Variants in PPM1B observed in about 807,000 individuals in gnomAD.
PPM1B encodes protein phosphatase, Mg2+/Mn2+ dependent 1B, also known as protein phosphatase 1B.
A neutral mutation model predicts 43.0 loss-of-function variants in PPM1B; 22 were observed. The observed-to-expected ratio is 0.51, with a 90% confidence interval of 0.37 to 0.73. PPM1B has a LOEUF of 0.73. PPM1B is among the 30% of genes least tolerant of loss of function. The probability of loss-of-function intolerance (pLI) is 0.00; values close to 1 mark genes in which losing one functional copy is unlikely to be tolerated. For synonymous variants in PPM1B, 217 were observed against 197.9 expected (o/e 1.10, Z -0.81); for missense variants, 632 against 584.2 (o/e 1.08, Z -0.84).
At chr2:44,232,459 G>C (rs993290346), downstream of PPM1B, 25 of 1,547,700 alleles carry the variant, frequency 1.6e-5, no homozygotes, top group Admixed American at 5.0e-4. Flanking sequence ...AACGTTTTGT[G>C]ATATGAGCAG....
chr2:44,246,725 C>T (rs1670858435), downstream of PPM1B, among the ~76,000 whole-genome samples: 1 of 152,202 alleles, frequency 6.6e-6, no homozygotes, highest in Non-Finnish European at 1.5e-5. Context: ...CCTCTAGGTC[C>T]TTGCAAATTT....
intron 1 of PPM1B, among the ~76,000 whole-genome samples, chr2:44,196,241 G>A (rs1209611011): frequency 2.0e-5 from 3 of 152,206 alleles, no homozygotes; most frequent in East Asian, 1.9e-4. Flanking sequence ...CCTGTTGGCT[G>A]TGGCAGTTTC....
chr2:44,230,632 A>C lies in PPM1B; in HGVS notation c.1354A>C (p.Ser452Arg), dbSNP rs752834382. 14 of 1,614,118 alleles carry C rather than the reference A, an allele frequency of 8.7e-6. No homozygotes were observed. In the South Asian group the frequency reaches 1.3e-4, roughly 15 times the overall value. The change falls in exon 6 of 6, where the codon AGC (serine) becomes CGC (arginine). Residue 452 changes from serine to arginine, a missense_variant. Transcript: ENST00000282412. Reference sequence around the variant, plus strand: ...TGGAAACCCAGTGACAATGCAGGAAAGCCATACTGAATCAGAAAGTGGTCT... The same window carrying C: ...TGGAAACCCAGTGACAATGCAGGAACGCCATACTGAATCAGAAAGTGGTCT... The part of the protein sequence containing the change: ...DAGNPVTMQE[S>R]HTESESGLAE...
chr2:44,233,301 A>G, downstream of PPM1B: 2 of 944,142 alleles, frequency 2.1e-6, no homozygotes, highest in Non-Finnish European at 1.3e-6. Context: ...GATCTAAGGA[A>G]ATACTACAGA....
intron 5 of PPM1B, among the ~76,000 whole-genome samples, chr2:44,243,057 C>G (rs913807597): frequency 6.6e-6 from 1 of 151,982 alleles, no homozygotes; most frequent in African/African-American, 2.4e-5. Context: ...ATAGGGATTT[C>G]CCCCCCAAAA....
intron 3 of PPM1B, among the ~76,000 whole-genome samples, chr2:44,210,669 G>A (rs1572728994): frequency 6.6e-6 from 1 of 151,806 alleles, no homozygotes. Context: ...CTCATTTTCT[G>A]TCTCCCTCCT....
At chr2:44,173,407 T>C (rs1667442488) in intron 1 of PPM1B, among the ~76,000 whole-genome samples, 1 of 152,238 alleles carries the variant, frequency 6.6e-6, no homozygotes, top group Non-Finnish European at 1.5e-5. Flanking sequence ...TAGTTTTCTT[T>C]TTTCATTTCT....
intron 1 of PPM1B, among the ~76,000 whole-genome samples, chr2:44,197,118 G>A (rs933314434): frequency 4.6e-5 from 7 of 151,960 alleles, no homozygotes; most frequent in African/African-American, 1.7e-4. Flanking sequence ...TTCCACTAAC[G>A]TTAACTTTTT....
chr2:44,213,013 CAAA>C (rs57091283), intron 3 of PPM1B, among the ~76,000 whole-genome samples: 4 of 65,326 alleles, frequency 6.1e-5, no homozygotes, highest in East Asian at 4.9e-4. Flanking sequence ...ACTCCGTTTC[CAAA>C]AAAAAAAAAA....
At position 44,230,754 on chromosome 2, in the gene PPM1B, G is replaced by T. The variant is rs185785286; in HGVS notation, c.*36G>T. The stretch of plus-strand genomic sequence containing the variant: ...TGGTAATATTTTTGTGATCTTTGAT[G>T]GTTTTTAACCTAGGAAGTGTAATGT... On this transcript the variant is annotated 3_prime_UTR_variant, in exon 6 of 6. Transcript: ENST00000282412. The T allele has an allele frequency of 6.3e-7, 1 of 1,587,886 alleles. No homozygotes were observed. Among genetic ancestry groups the T allele is most frequent in the East Asian group, 2.2e-5 (1 of 44,486 alleles).
Position 44,194,338 on chromosome 2 carries a change from G to A in PPM1B, c.-14-6848G>A, listed in dbSNP as rs569245639. Among the ~76,000 whole-genome samples the A allele has an allele frequency of 2.6e-5, 4 of 152,306 alleles. No homozygotes were observed. In the East Asian group the frequency reaches 7.7e-4, roughly 29 times the overall value. ...GAGTATTCCTGTGTGTAAGTAATCT[G>A]TGGGTACTTTCTCTGGGACTAGTGA... On this transcript the variant is annotated intron_variant, in intron 1 of 5. Coordinates refer to ENST00000282412, the MANE Select transcript of PPM1B (RefSeq NM_002706.6).
chr2:44,200,202 G>A (rs1385700720), intron 1 of PPM1B, among the ~76,000 whole-genome samples: 1 of 152,146 alleles, frequency 6.6e-6, no homozygotes, highest in African/African-American at 2.4e-5. Context: ...AGCCCTATGA[G>A]GTATAGGTAC....
In PPM1B at chr2:44,201,188, T is replaced by G. The variant is rs755326080; in HGVS notation, c.-12T>G. On this transcript the variant is annotated splice_region_variant and 5_prime_UTR_variant, in exon 2 of 6. In the 5' UTR this introduces an upstream ATG that the reference lacks. Coordinates refer to ENST00000282412, the MANE Select transcript of PPM1B (RefSeq NM_002706.6). This position sits in a 1 kb window ranked among gnomAD's most constrained non-coding sequence, Gnocchi z 5.4. ...AACACCTGCATTTTTTATTTCAGAT[T>G]TATTGCTAAACATGGGTGCATTTTT... 6.4e-7 allele frequency: 1 copy of G among 1,571,324 alleles called. No individual in the cohort carries two copies.
chr2:44,194,857 T>C (rs1285837270), intron 1 of PPM1B, among the ~76,000 whole-genome samples: 4 of 151,988 alleles, frequency 2.6e-5, no homozygotes, highest in African/African-American at 9.7e-5. Flanking sequence ...ACCCAGAGTC[T>C]CTATAGTTCA....
chr2:44,179,089 A>G (rs1488964158), intron 1 of PPM1B, among the ~76,000 whole-genome samples: 1 of 151,992 alleles, frequency 6.6e-6, no homozygotes, highest in Admixed American at 6.6e-5. Flanking sequence ...TGCTGTTCTC[A>G]TGATAATGAG....
chr2:44,212,455 G>A (rs1174359927), intron 3 of PPM1B, among the ~76,000 whole-genome samples: 1 of 152,036 alleles, frequency 6.6e-6, no homozygotes, highest in African/African-American at 2.4e-5. Context: ...ATCAATTTGT[G>A]GCCACTATTT....
At chr2:44,218,139 G>C in intron 4 of PPM1B, 61 bp downstream of exon 4, 1 of 1,268,026 alleles carries the variant, frequency 7.9e-7, no homozygotes, top group Non-Finnish European at 1.1e-6. Context: ...ATAATTTGGG[G>C]TAAAAAAACT....
chr2:44,234,100 G>A (rs1670544130), downstream of PPM1B: 1 of 967,258 alleles, frequency 1.0e-6, no homozygotes, highest in Admixed American at 6.2e-5. Context: ...AGTTTTTAAT[G>A]TTATTTTAAA....
At chr2:44,244,804 G>A (rs2104299048), downstream of PPM1B, among the ~76,000 whole-genome samples, 1 of 117,618 alleles carries the variant, frequency 8.5e-6, no homozygotes, top group Admixed American at 7.9e-5. Flanking sequence ...ATATTTAGAA[G>A]TGTATAATTA....
Sources: gnomAD v4.1 joint callset for allele counts (sites outside exome capture counted in the v4.1 genomes callset) on GRCh38, gnomAD v4.1.1 for gene constraint, Gnocchi (gnomAD v3.1) non-coding constraint, MANE v1.5 for transcripts, NCBI Gene and HGNC (gene_info 2026-07-23, HGNC 2026-07-21) for gene names.